The following ADAM12 variants were observed in gnomAD, a reference collection of about 807,000 sequenced individuals.
ADAM12 encodes the protein disintegrin and metalloproteinase domain-containing protein 12.
A neutral mutation model predicts 106.4 loss-of-function variants in ADAM12; 70 were observed. That is an observed-to-expected ratio of 0.66 (90% CI 0.54 to 0.80). The LOEUF (loss-of-function observed/expected upper bound fraction) is 0.80. ADAM12 is among the 30% of genes least tolerant of loss of function. ADAM12 has a pLI of 0.00. For synonymous variants in ADAM12, 420 were observed against 433.5 expected, an observed-to-expected ratio of 0.97 and a Z score of 0.39; for missense variants, 1,010 against 1,171.9, an observed-to-expected ratio of 0.86 and a Z score of 2.02.
At position 126,049,300 on chromosome 10, in the gene ADAM12, G is replaced by C; in HGVS notation, c.1870C>G (p.Pro624Ala). ...CCTGCAAGCACAAGCCCTGGGTCCG[G>C]CATGTCATCGCCCAAGTACACGTGG... is the stretch of plus-strand genomic sequence containing the variant. The part of the protein sequence containing the change: ...GTHVYLGDDM[P>A]DPGLVLAGTK... The change falls in exon 16 of 23, where the codon CCG (proline) becomes GCG (alanine). Residue 624 changes from proline to alanine, a missense_variant. Physicochemically the swap from Pro to Ala is conservative, Grantham distance 27. Around this residue, in one of 3 missense-constraint regions of ADAM12, gnomAD observed 615 missense variants for 708.5 expected, o/e 0.87. Transcript: ENST00000448723. The surrounding 1 kb of genome is among the most constrained non-coding windows in gnomAD (Gnocchi z 4.4). 6.2e-7 allele frequency: 1 copy of C among 1,614,204 alleles called. No individual in the cohort carries two copies. Among genetic ancestry groups the C allele is most frequent in the Non-Finnish European group, 8.5e-7 (1 of 1,180,044 alleles).
intron 14 of ADAM12, among the ~76,000 whole-genome samples, chr10:126,059,185 A>AGAAAT (rs1954698537): frequency 6.6e-6 from 1 of 152,202 alleles, no homozygotes; most frequent in African/African-American, 2.4e-5. Context: ...TTTTTGAAAG[A>AGAAAT]GAAATGATGG....
chr10:126,249,408 A>C (rs1045766071), intron 3 of ADAM12, among the ~76,000 whole-genome samples: 2 of 152,134 alleles, frequency 1.3e-5, no homozygotes, highest in Non-Finnish European at 2.9e-5. Context: ...GCCTTAGAAA[A>C]CCAACACCAG....
At chr10:126,108,702 A>G in intron 7 of ADAM12, 38 bp from the exon 8 acceptor site, 1 of 1,547,432 alleles carries the variant, frequency 6.5e-7, no homozygotes, top group Non-Finnish European at 8.9e-7. Flanking sequence ...TACCAGCAAG[A>G]ATATCAATCA....
intron 11 of ADAM12, among the ~76,000 whole-genome samples, chr10:126,089,834 C>G (rs1454901301): frequency 1.3e-5 from 2 of 152,168 alleles, no homozygotes; most frequent in Non-Finnish European, 2.9e-5. Flanking sequence ...TCCCTGTCTT[C>G]CTTTTGGCCT....
In ADAM12 at chr10:126,015,272, G is replaced by A. The variant is rs1173547858; in HGVS notation, c.*2007C>T. On this transcript the variant is annotated 3_prime_UTR_variant, in exon 23 of 23. Transcript: ENST00000448723. Reference sequence around the variant, plus strand: ...GAACAAACAACAAAAGAAAAACTCAGTTCATATCCTCTTATAATTGGAGGA... The same window carrying A: ...GAACAAACAACAAAAGAAAAACTCAATTCATATCCTCTTATAATTGGAGGA... 2 of 152,172 alleles carry A rather than the reference G, an allele frequency of 1.3e-5. No individual in the cohort carries two copies. Among genetic ancestry groups the A allele is most frequent in the Non-Finnish European group, 1.5e-5 (1 of 68,036 alleles). The allele number at this position is 152,172 out of a possible 1,614,324, so 9.4% of individuals were successfully genotyped here.
intron 2 of ADAM12, among the ~76,000 whole-genome samples, chr10:126,322,320 T>G (rs1854128753): frequency 6.6e-6 from 1 of 152,218 alleles, no homozygotes; most frequent in Non-Finnish European, 1.5e-5. Context: ...AACCCCAGTC[T>G]GGCTCCGTCC....
At chr10:126,319,444 C>G (rs909763555) in intron 2 of ADAM12, among the ~76,000 whole-genome samples, 1 of 152,084 alleles carries the variant, frequency 6.6e-6, no homozygotes. Flanking sequence ...GATCTGCTGC[C>G]CAAAACAGAC....
chr10:126,093,309 T>C (rs974961145), intron 11 of ADAM12, among the ~76,000 whole-genome samples: 1 of 152,220 alleles, frequency 6.6e-6, no homozygotes. Flanking sequence ...TGTTTCCACT[T>C]CGTTTGAACA....
In ADAM12 at chr10:126,016,932, A is replaced by G. The variant is rs1953671227; in HGVS notation, c.*347T>C. On this transcript the variant is annotated 3_prime_UTR_variant, in exon 23 of 23. Transcript: ENST00000448723. Reference sequence around the variant, plus strand: ...CAATAAGGCCTTGATCAGAAAGCAAACACATCCTGTCCAGAATCCCATCAA... The same window carrying G: ...CAATAAGGCCTTGATCAGAAAGCAAGCACATCCTGTCCAGAATCCCATCAA... The G allele has an allele frequency of 5.4e-6, 1 of 185,120 alleles. No homozygotes were observed. The highest frequency in any genetic ancestry group is 2.3e-5 in the African/African-American group (1 of 42,580). 11.5% of individuals were successfully genotyped at this position (185,120 alleles called of 1,614,324 possible). A position where few individuals can be genotyped will look rare whatever the true frequency, so the allele number is the denominator to read the frequency against.
intron 1 of ADAM12, among the ~76,000 whole-genome samples, chr10:126,381,321 C>G (rs536766311): frequency 1.3e-5 from 2 of 152,100 alleles, no homozygotes; most frequent in African/African-American, 2.4e-5. Flanking sequence ...TCCTGAAACC[C>G]TGCCATAAGG....
rs77533545 is a variant in ADAM12 at position 126,218,349 on chromosome 10, C to G, written c.260+60566G>C. The stretch of plus-strand genomic sequence containing the variant: ...GTTCACCTAACTCCACATCAACTCA[C>G]CAAGGTAGGTATTCTTATGCCCATT... On this transcript the variant is annotated intron_variant, in intron 3 of 22. Coordinates refer to ENST00000448723, the MANE Select transcript of ADAM12 (RefSeq NM_001288973.2). Among the ~76,000 whole-genome samples the G allele has an allele frequency of 9.7e-3, 1,478 of 152,284 alleles. 60 individuals are homozygous for G. The East Asian group carries it at 0.12, about 12-fold the overall frequency.
chr10:126,383,708 CT>C (rs1272206950), intron 1 of ADAM12, among the ~76,000 whole-genome samples: 4 of 152,062 alleles, frequency 2.6e-5, no homozygotes, highest in African/African-American at 9.7e-5. Context: ...TTATAAAATA[CT>C]GAGAAAATAT....
intron 14 of ADAM12, among the ~76,000 whole-genome samples, chr10:126,050,277 G>A (rs771147124): frequency 2.0e-5 from 3 of 152,146 alleles, no homozygotes; most frequent in Non-Finnish European, 4.4e-5. Flanking sequence ...ACAACATGAC[G>A]GTTCCCAGCA....
At chr10:126,252,325 G>A (rs1338054359) in intron 3 of ADAM12, among the ~76,000 whole-genome samples, 2 of 152,102 alleles carry the variant, frequency 1.3e-5, no homozygotes, top group Non-Finnish European at 2.9e-5. Flanking sequence ...GGATGGGAGA[G>A]GATTAATTAT....
At chr10:126,235,480 C>G (rs557982297) in intron 3 of ADAM12, among the ~76,000 whole-genome samples, 1 of 152,306 alleles carries the variant, frequency 6.6e-6, no homozygotes, top group Non-Finnish European at 1.5e-5. Flanking sequence ...GGGTGTGAGT[C>G]CTGGCTCTGC....
chr10:126,337,929 AC>A (rs1427031742), intron 1 of ADAM12, among the ~76,000 whole-genome samples: 17 of 152,182 alleles, frequency 1.1e-4, no homozygotes, highest in Non-Finnish European at 2.5e-4. Flanking sequence ...GAAAAAATAA[AC>A]TTAAAAAGAT....
intron 5 of ADAM12, among the ~76,000 whole-genome samples, chr10:126,124,429 G>A (rs550345523): frequency 6.6e-6 from 1 of 152,096 alleles, no homozygotes; most frequent in East Asian, 1.9e-4. Context: ...AACTACTCAG[G>A]TACAGTCAAA....
intron 16 of ADAM12, among the ~76,000 whole-genome samples, chr10:126,046,970 T>A (rs1234138398): frequency 6.6e-6 from 1 of 152,226 alleles, no homozygotes; most frequent in East Asian, 1.9e-4. Flanking sequence ...GACTGACAAG[T>A]AGTATCATCA....
At chr10:126,385,026 T>C (rs1297385047) in intron 1 of ADAM12, among the ~76,000 whole-genome samples, 1 of 152,212 alleles carries the variant, frequency 6.6e-6, no homozygotes, top group African/African-American at 2.4e-5. Context: ...GTTAATTTGC[T>C]AGGTAAGCTC....
Sources: gnomAD v4.1 joint callset for allele counts (sites outside exome capture counted in the v4.1 genomes callset) on GRCh38, gnomAD v4.1.1 for gene constraint, gnomAD v4.1.1 regional missense constraint, Gnocchi (gnomAD v3.1) non-coding constraint, MANE v1.5 for transcripts, NCBI Gene and HGNC (gene_info 2026-07-23, HGNC 2026-07-21) for gene names.